CACNA1G: variants seen among roughly 807,000 people sequenced by gnomAD.
The protein encoded by CACNA1G is voltage-dependent T-type calcium channel subunit alpha-1G.
Under a neutral mutation model 219.4 loss-of-function variants are expected in CACNA1G, and 67 were observed. That is an observed-to-expected ratio of 0.31 (90% confidence interval 0.25 to 0.37). The LOEUF is 0.37. CACNA1G is among the 10% of genes least tolerant of loss of function. The pLI, the probability that CACNA1G is intolerant of heterozygous loss-of-function variation, is 1.00. For synonymous variants in CACNA1G, 1,296 were observed against 1,345.3 expected (o/e 0.96, Z 0.80); for missense variants, 2,380 against 3,231.4 (o/e 0.74, Z 6.39).
rs3833150 is a variant in CACNA1G, at chr17:50,568,985, A to AGT, written c.354+33_354+34dup. The AGT allele has an allele frequency of 0.08, 94,416 of 1,177,176 alleles. 632 individuals carry two copies. The highest frequency in any genetic ancestry group is 0.093 in the Non-Finnish European group (76,432 of 825,488). The allele number at this position is 1,177,176 out of a possible 1,614,324, so 72.9% of individuals were successfully genotyped here. The stretch of plus-strand genomic sequence containing the variant: ...CCAGCGCTGCCGGATCCTGCAGGTG[A>AGT]GTGTGTGTGTGTGTGTGTGTGTGTG... On this transcript the variant is annotated splice_donor_region_variant and intron_variant, in intron 2 of 37. Coordinates refer to ENST00000359106, the MANE Select transcript of CACNA1G (RefSeq NM_018896.5).
chr17:50,583,109 T>G (rs2042286485), intron 9 of CACNA1G, among the ~76,000 whole-genome samples: 1 of 152,154 alleles, frequency 6.6e-6, no homozygotes, highest in Non-Finnish European at 1.5e-5. Flanking sequence ...AATCCCCATA[T>G]GCCTGGACAC....
rs184434258 is a variant in CACNA1G, at chr17:50,618,002, T to C, written c.5227-46T>C. On this transcript the variant is annotated intron_variant, in intron 30 of 37. Coordinates refer to ENST00000359106, the MANE Select transcript of CACNA1G (RefSeq NM_018896.5). The surrounding 1 kb of genome is among the most constrained non-coding windows in gnomAD (Gnocchi z 5.3). ...AGGGAAGGGGCTCAGAGAAGCTGAC[T>C]GGGAGACCCAGCGGCATCGTTTCTA... is the stretch of plus-strand genomic sequence containing the variant. 1.7e-5 allele frequency: 28 copies of C among 1,612,810 alleles called. No individual in the cohort carries two copies. In the Admixed American group the frequency reaches 4.3e-4, roughly 25 times the overall value.
intron 35 of CACNA1G, among the ~76,000 whole-genome samples, chr17:50,623,090 G>GC (rs2052562101): frequency 1.6e-5 from 2 of 122,486 alleles, no homozygotes; most frequent in Non-Finnish European, 3.3e-5. Context: ...GCTGCTGTTG[G>GC]CTTTTTTTTT....
At chr17:50,565,114 G>T (rs958757042) in intron 1 of CACNA1G, among the ~76,000 whole-genome samples, 4 of 145,852 alleles carry the variant, frequency 2.7e-5, no homozygotes, top group Admixed American at 6.8e-5. Context: ...CTCACACGCA[G>T]ACATGCGCAC....
chr17:50,574,112 T>C (rs2040063708), intron 7 of CACNA1G, among the ~76,000 whole-genome samples: 1 of 152,108 alleles, frequency 6.6e-6, no homozygotes, highest in South Asian at 2.1e-4. Context: ...GTGGTCCCCA[T>C]CTCTTAAATG....
At chr17:50,582,999 G>A (rs2042263368) in intron 9 of CACNA1G, among the ~76,000 whole-genome samples, 1 of 152,138 alleles carries the variant, frequency 6.6e-6, no homozygotes, top group African/African-American at 2.4e-5. Context: ...GCTGGGGGTG[G>A]GGCAGGAGGA....
Position 50,596,577 on chromosome 17 carries a change from T to A in CACNA1G, c.2995T>A (p.Ser999Thr), listed in dbSNP as rs2045597264. The part of the protein sequence containing the change: ...VDSQGGDANK[S>T]ESEPDFFSPS... The stretch of plus-strand genomic sequence containing the variant: ...CCTGCCCTAGGGAGATGCCAACAAG[T>A]CCGAATCAGAGCCCGATTTCTTCTC... The change falls in exon 15 of 38, where the codon TCC (serine) becomes ACC (threonine). Residue 999 changes from serine to threonine, a missense_variant. Ser to Thr is a moderately conservative substitution (Grantham distance 58). This residue lies in a region of CACNA1G where 418 missense variants were observed against 434.3 expected (regional missense o/e 0.96). Transcript: ENST00000359106. The surrounding 1 kb of genome is among the most constrained non-coding windows in gnomAD (Gnocchi z 4.8). 1.9e-6 allele frequency: 3 copies of A among 1,613,816 alleles called. No homozygotes were observed. In the East Asian group the frequency reaches 6.7e-5, roughly 36 times the overall value.
Position 50,591,890 on chromosome 17 carries a change from G to A in CACNA1G, c.2754+37G>A, listed in dbSNP as rs59545434. Reference sequence around the variant, plus strand: ...ACAGGGCAGGGCGTGGACAGGGGCCGTCAGGTGCCCCTAGTATAGGCCCTG... The same window carrying A: ...ACAGGGCAGGGCGTGGACAGGGGCCATCAGGTGCCCCTAGTATAGGCCCTG... On this transcript the variant is annotated intron_variant, in intron 12 of 37. Transcript: ENST00000359106. The A allele has an allele frequency of 2.1e-4, 335 of 1,612,944 alleles. 1 individual carries two copies. Among genetic ancestry groups the A allele is most frequent in the South Asian group, 1.2e-3 (106 of 91,038 alleles).
Position 50,572,294 on chromosome 17 carries a change from T to C in CACNA1G, c.746+257T>C, listed in dbSNP as rs2039619240. 2.6e-5 allele frequency among the ~76,000 whole-genome samples: 4 copies of C among 152,138 alleles called. No individual in the cohort carries two copies. In the South Asian group the frequency reaches 8.3e-4, roughly 31 times the overall value. On this transcript the variant is annotated intron_variant, in intron 5 of 37. Transcript: ENST00000359106. ...GTAAGGATTTTTTCAACCCCTCCAG[T>C]GATCCTAACTTGCAGTGAAATTTGA...
intron 9 of CACNA1G, among the ~76,000 whole-genome samples, chr17:50,588,285 C>A (rs2043407410): frequency 1.6e-5 from 1 of 60,768 alleles, no homozygotes; most frequent in Non-Finnish European, 3.0e-5. Context: ...TGAATCCTGA[C>A]TGTCTAATAT....
At chr17:50,564,085 G>A (rs1447436768) in intron 1 of CACNA1G, among the ~76,000 whole-genome samples, 1 of 151,590 alleles carries the variant, frequency 6.6e-6, no homozygotes, top group Non-Finnish European at 1.5e-5. Flanking sequence ...CTTTTTAAGG[G>A]ACCAGGTTTC....
Position 50,576,418 on chromosome 17 carries a change from C to G in CACNA1G, c.1924+92C>G, listed in dbSNP as rs926843062. ...CTAGGGGGTCTGGAGTCAGAGGGAC[C>G]AGGGCTTATATTCTCATGCTGCCTC... is the stretch of plus-strand genomic sequence containing the variant. On this transcript the variant is annotated intron_variant, in intron 8 of 37. Transcript: ENST00000359106. 1.8e-5 allele frequency: 22 copies of G among 1,257,086 alleles called. No individual in the cohort carries two copies. In the Admixed American group the frequency reaches 4.4e-4, roughly 25 times the overall value. 77.9% of individuals were successfully genotyped at this position (1,257,086 alleles called of 1,614,324 possible). A position where few individuals can be genotyped will look rare whatever the true frequency, so the allele number is the denominator to read the frequency against.
In CACNA1G at chr17:50,594,979, C is replaced by A; in HGVS notation, c.2911-14C>A. ...TGACCAGCAGCCCTCCCCTGCCTCC[C>A]CCTTTCCCTGTAGGAAATCAGCAAA... On this transcript the variant is annotated splice_polypyrimidine_tract_variant and intron_variant, in intron 13 of 37. Transcript: ENST00000359106. The A allele has an allele frequency of 6.4e-7, 1 of 1,551,912 alleles. No individual in the cohort carries two copies.
In CACNA1G at chr17:50,576,395, A is replaced by AG. The variant is rs2040661305; in HGVS notation, c.1924+74dup. On this transcript the variant is annotated intron_variant, in intron 8 of 37. Coordinates refer to ENST00000359106, the MANE Select transcript of CACNA1G (RefSeq NM_018896.5). ...ACTGGGTGGCGTCCCAGAGGGGACT[A>AG]GGGGGTCTGGAGTCAGAGGGACCAG... is the stretch of plus-strand genomic sequence containing the variant. 64 of 1,464,878 alleles carry AG rather than the reference A, an allele frequency of 4.4e-5. No individual in the cohort carries two copies. The South Asian group carries it at 7.2e-4, about 16-fold the overall frequency. The allele number at this position is 1,464,878 out of a possible 1,614,324, so 90.7% of individuals were successfully genotyped here. A position where few individuals can be genotyped will look rare whatever the true frequency, so the allele number is the denominator to read the frequency against.
At chr17:50,581,630 C>G (rs2041989365) in intron 9 of CACNA1G, among the ~76,000 whole-genome samples, 1 of 152,258 alleles carries the variant, frequency 6.6e-6, no homozygotes, top group South Asian at 2.1e-4. Context: ...CCCATGCTGT[C>G]CTCTGTCTCC....
rs546643846 is a variant in CACNA1G, at chr17:50,615,368, G to C, written c.4767G>C (p.Gln1589His). 1.9e-6 allele frequency: 3 copies of C among 1,602,978 alleles called. No homozygotes were observed. In the Admixed American group the frequency reaches 5.0e-5, roughly 27 times the overall value. The change falls in exon 27 of 38, where the codon CAG becomes CAC. Residue 1589 changes from glutamine (Q) to histidine (H), a missense_variant. Physicochemically the swap from Gln to His is conservative, Grantham distance 24 (BLOSUM62 0). Coordinates refer to ENST00000359106, the MANE Select transcript of CACNA1G (RefSeq NM_018896.5). ...GSSASAASEA[Q>H]CKPYYSDYSR... ...TTCCCCCTGCCCCATCAGAAGCCCA[G>C]TGCAAACCTTACTACTCCGACTACT...
intron 24 of CACNA1G, chr17:50,607,523 C>A: frequency 2.7e-6 from 1 of 375,596 alleles, no homozygotes; most frequent in South Asian, 3.4e-5. Context: ...GTGAGTTTTA[C>A]ACAGAAATTC....
At chr17:50,608,979 G>A (rs1229907653) in intron 25 of CACNA1G, among the ~76,000 whole-genome samples, 2 of 152,196 alleles carry the variant, frequency 1.3e-5, no homozygotes, top group African/African-American at 4.8e-5. Context: ...GCCTTTGTGT[G>A]TCTGTCTGTG....
intron 9 of CACNA1G, among the ~76,000 whole-genome samples, chr17:50,580,160 C>T (rs536105300): frequency 6.6e-6 from 1 of 152,208 alleles, no homozygotes; most frequent in South Asian, 2.1e-4. Flanking sequence ...CTTGACACCA[C>T]GGTGGGCATG....
Sources: gnomAD v4.1 joint callset for allele counts (sites outside exome capture counted in the v4.1 genomes callset) on GRCh38, gnomAD v4.1.1 for gene constraint, gnomAD v4.1.1 regional missense constraint, Gnocchi (gnomAD v3.1) non-coding constraint, MANE v1.5 for transcripts, NCBI Gene and HGNC (gene_info 2026-07-23, HGNC 2026-07-21) for gene names.